The following IGSF3 variants were observed in gnomAD, a reference collection of about 807,000 sequenced individuals.
IGSF3 encodes the protein glu-Trp-Ile EWI motif-containing protein 3.
A neutral mutation model predicts 114.4 loss-of-function variants in IGSF3; 23 were observed. The ratio of observed to expected loss-of-function variants is 0.20; its 90% CI spans 0.14 to 0.28. The LOEUF (loss-of-function observed/expected upper bound fraction) is 0.28. Ranked by LOEUF, IGSF3 falls within the 10% of genes least tolerant of loss-of-function variation. The pLI, the probability that IGSF3 is intolerant of heterozygous loss-of-function variation, is 1.00. For synonymous variants in IGSF3, 571 were observed against 645.2 expected, an observed-to-expected ratio of 0.88 and a Z score of 1.74; for missense variants, 1,172 against 1,591.5, an observed-to-expected ratio of 0.74 and a Z score of 4.48.
rs1194748495 is a variant in IGSF3 at position 116,655,933 on chromosome 1, A to T, written c.43+10351T>A. 6.6e-6 allele frequency among the ~76,000 whole-genome samples: 1 copy of T among 152,228 alleles called. No homozygotes were observed. The highest frequency in any genetic ancestry group is 6.5e-5 in the Admixed American group (1 of 15,282). On this transcript the variant is annotated intron_variant, in intron 2 of 10. Coordinates refer to ENST00000369486, the MANE Select transcript of IGSF3 (RefSeq NM_001007237.3). The surrounding 1 kb of genome is among the most constrained non-coding windows in gnomAD (Gnocchi z 4.3). Reference sequence around the variant, plus strand: ...ATTAAAATTTAAGGGTAATATTTTTATTATGACTTGCTCTCCTGATACAGC... The same window carrying T: ...ATTAAAATTTAAGGGTAATATTTTTTTTATGACTTGCTCTCCTGATACAGC...
rs989802397 is a variant in IGSF3 at position 116,633,212 on chromosome 1, G to A, written c.44-16755C>T. ...ACATTCCAGCCATTTGGGATGTCCT[G>A]GGTTCAACCATTCCCACCCACTGCC... On this transcript the variant is annotated intron_variant, in intron 2 of 10. Coordinates refer to ENST00000369486, the MANE Select transcript of IGSF3 (RefSeq NM_001007237.3). The surrounding 1 kb of genome is among the most constrained non-coding windows in gnomAD (Gnocchi z 4.3). 2.0e-5 allele frequency among the ~76,000 whole-genome samples: 3 copies of A among 152,116 alleles called. No individual in the cohort carries two copies. The highest frequency in any genetic ancestry group is 4.4e-5 in the Non-Finnish European group (3 of 68,034).
chr1:116,575,955 C>T lies in IGSF3; in HGVS notation c.*1357G>A, dbSNP rs1659323917. On this transcript the variant is annotated 3_prime_UTR_variant, in exon 11 of 11. Coordinates refer to ENST00000369486, the MANE Select transcript of IGSF3 (RefSeq NM_001007237.3). This position sits in a 1 kb window ranked among gnomAD's most constrained non-coding sequence, Gnocchi z 5.6. ...TCCCACAGACAATGCCTTGTGATCA[C>T]AGTCTGCTGAGACTAGGCAAACAGA... The T allele has an allele frequency of 1.3e-5, 2 of 152,250 alleles. No individual in the cohort carries two copies. Among genetic ancestry groups the T allele is most frequent in the Admixed American group, 1.3e-4 (2 of 15,274 alleles). The allele number at this position is 152,250 out of a possible 1,614,324, so 9.4% of individuals were successfully genotyped here.
At chr1:116,641,581 G>C (rs1648107463) in intron 2 of IGSF3, among the ~76,000 whole-genome samples, 1 of 143,582 alleles carries the variant, frequency 7.0e-6, no homozygotes, top group African/African-American at 2.6e-5. Flanking sequence ...AAAATTAAAA[G>C]AAGGAAATGC....
At position 116,607,247 on chromosome 1, in the gene IGSF3, G is replaced by A. The variant is rs1049637737; in HGVS notation, c.1222+695C>T. 2.0e-5 allele frequency among the ~76,000 whole-genome samples: 3 copies of A among 152,058 alleles called. No individual in the cohort carries two copies. The highest frequency in any genetic ancestry group is 7.3e-5 in the African/African-American group (3 of 41,374). ...CTATGAATGTTTAAACACAACACAA[G>A]CAAACACCAGTAGTTTCTGGAATCC... is the stretch of plus-strand genomic sequence containing the variant. On this transcript the variant is annotated intron_variant, in intron 5 of 10. Transcript: ENST00000369486. This position sits in a 1 kb window ranked among gnomAD's most constrained non-coding sequence, Gnocchi z 6.1.
In IGSF3 at chr1:116,617,405, G is replaced by C. The variant is rs1661264601; in HGVS notation, c.44-948C>G. 6.1e-6 allele frequency: 6 copies of C among 982,994 alleles called. No homozygotes were observed. In the South Asian group the frequency reaches 2.8e-4, roughly 46 times the overall value. The allele number at this position is 982,994 out of a possible 1,614,324, so 60.9% of individuals were successfully genotyped here. The stretch of plus-strand genomic sequence containing the variant: ...ACAACCCTGCCTCTTCATTTCGGCA[G>C]TGGTCACGTACTGCAGGTTGTGAAA... On this transcript the variant is annotated intron_variant, in intron 2 of 10. Coordinates refer to ENST00000369486, the MANE Select transcript of IGSF3 (RefSeq NM_001007237.3).
intron 4 of IGSF3, among the ~76,000 whole-genome samples, chr1:116,609,810 G>T (rs191551321): frequency 9.2e-5 from 14 of 151,992 alleles, no homozygotes; most frequent in African/African-American, 3.1e-4. Flanking sequence ...GTTTCCCCAA[G>T]AAAACATAAG....
rs978915449 is a variant in IGSF3, at chr1:116,610,107, C to T, written c.833-1776G>A. Reference sequence around the variant, plus strand: ...GGCATGGATTGAAGGAAGCACATTTCACTCTGCCACCATCTGCCTGGATGA... The same window carrying T: ...GGCATGGATTGAAGGAAGCACATTTTACTCTGCCACCATCTGCCTGGATGA... On this transcript the variant is annotated intron_variant, in intron 4 of 10. Transcript: ENST00000369486. This position sits in a 1 kb window ranked among gnomAD's most constrained non-coding sequence, Gnocchi z 4.3. 3.9e-4 allele frequency among the ~76,000 whole-genome samples: 60 copies of T among 152,338 alleles called. No homozygotes were observed. The highest frequency in any genetic ancestry group is 1.4e-3 in the African/African-American group (57 of 41,572).
Position 116,603,503 on chromosome 1 carries a change from A to G in IGSF3, c.1624+121T>C. 2 of 932,606 alleles carry G rather than the reference A, an allele frequency of 2.1e-6. No individual in the cohort carries two copies. Among genetic ancestry groups the G allele is most frequent in the Non-Finnish European group, 1.6e-6 (1 of 608,752 alleles). The allele number at this position is 932,606 out of a possible 1,614,324, so 57.8% of individuals were successfully genotyped here. ...CATAAAGGAAAGTACTTCAAACTCT[A>G]TAGGTAAAAGACTGGCCATAGTTTC... On this transcript the variant is annotated intron_variant, in intron 6 of 10. Transcript: ENST00000369486. The surrounding 1 kb of genome is among the most constrained non-coding windows in gnomAD (Gnocchi z 7.1).
rs1370830613 is a variant in IGSF3 at position 116,594,568 on chromosome 1, A to G, written c.2029+5373T>C. On this transcript the variant is annotated intron_variant, in intron 7 of 10. Coordinates refer to ENST00000369486, the MANE Select transcript of IGSF3 (RefSeq NM_001007237.3). The surrounding 1 kb of genome is among the most constrained non-coding windows in gnomAD (Gnocchi z 5.2). ...TCCTCACCAATCCTATGAAATAAAT[A>G]TTATTCCCAATTTTATAAAGACACT... Among the ~76,000 whole-genome samples, 12 of 152,216 alleles carry G rather than the reference A, an allele frequency of 7.9e-5. No homozygotes were observed. The highest frequency in any genetic ancestry group is 7.3e-5 in the Non-Finnish European group (5 of 68,050).
rs776210997 is a variant in IGSF3, at chr1:116,661,183, C to T, written c.43+5101G>A. On this transcript the variant is annotated intron_variant, in intron 2 of 10. Coordinates refer to ENST00000369486, the MANE Select transcript of IGSF3 (RefSeq NM_001007237.3). This position sits in a 1 kb window ranked among gnomAD's most constrained non-coding sequence, Gnocchi z 4.0. ...TGGTGTGTGCCTGTAATCCCAGCTACTCGGGAGGCTGAGGCAGGAGAATCG... is the reference window on the plus strand; with the variant it reads ...TGGTGTGTGCCTGTAATCCCAGCTATTCGGGAGGCTGAGGCAGGAGAATCG... Among the ~76,000 whole-genome samples the T allele has an allele frequency of 4.6e-5, 7 of 152,162 alleles. No homozygotes were observed. Among genetic ancestry groups the T allele is most frequent in the Middle Eastern group, 3.2e-3 (1 of 316 alleles).
rs764016903 is a variant in IGSF3 at position 116,582,075 on chromosome 1, G to C, written c.2849-2198C>G. Among the ~76,000 whole-genome samples the C allele has an allele frequency of 1.3e-5, 2 of 152,070 alleles. No homozygotes were observed. The highest frequency in any genetic ancestry group is 6.5e-5 in the Admixed American group (1 of 15,268). On this transcript the variant is annotated intron_variant, in intron 9 of 10. Coordinates refer to ENST00000369486, the MANE Select transcript of IGSF3 (RefSeq NM_001007237.3). This position sits in a 1 kb window ranked among gnomAD's most constrained non-coding sequence, Gnocchi z 4.7. Reference sequence around the variant, plus strand: ...CCCTTTGCTTTCTTGTCTTCTAACCGCTTAACATTTTTCTTGGCCCCTTCA... The same window carrying C: ...CCCTTTGCTTTCTTGTCTTCTAACCCCTTAACATTTTTCTTGGCCCCTTCA...
rs1025107590 is a variant in IGSF3, at chr1:116,605,757, AT to A, written c.1223-1733del. On this transcript the variant is annotated intron_variant, in intron 5 of 10. Transcript: ENST00000369486. This position sits in a 1 kb window ranked among gnomAD's most constrained non-coding sequence, Gnocchi z 5.1. ...TAAAGACTCATCCCCACTGTTATCA[AT>A]TCAAAATAAGGGATTAAAAGGGCAA... is the stretch of plus-strand genomic sequence containing the variant. 6.6e-6 allele frequency among the ~76,000 whole-genome samples: 1 copy of A among 152,222 alleles called. No homozygotes were observed. The highest frequency in any genetic ancestry group is 2.4e-5 in the African/African-American group (1 of 41,454).
rs1479755900 is a variant in IGSF3 at position 116,615,240 on chromosome 1, C to T, written c.421+840G>A. Among the ~76,000 whole-genome samples, 1 of 151,786 alleles carries T rather than the reference C, an allele frequency of 6.6e-6. No homozygotes were observed. Among genetic ancestry groups the T allele is most frequent in the Non-Finnish European group, 1.5e-5 (1 of 67,972 alleles). On this transcript the variant is annotated intron_variant, in intron 3 of 10. Coordinates refer to ENST00000369486, the MANE Select transcript of IGSF3 (RefSeq NM_001007237.3). This position sits in a 1 kb window ranked among gnomAD's most constrained non-coding sequence, Gnocchi z 4.3. ...AGTGAGCCAAGATCGCACCATTGCA[C>T]TCCAGCCTGGGCAACAAGAGCGAAG...
rs1013107282 is a variant in IGSF3 at position 116,638,355 on chromosome 1, C to A, written c.44-21898G>T. The stretch of plus-strand genomic sequence containing the variant: ...TTAAAATTAGTCTCCTACTGCTACT[C>A]TTTTCCCTACTCTTGCCAGTCCACT... On this transcript the variant is annotated intron_variant, in intron 2 of 10. Coordinates refer to ENST00000369486, the MANE Select transcript of IGSF3 (RefSeq NM_001007237.3). This position sits in a 1 kb window ranked among gnomAD's most constrained non-coding sequence, Gnocchi z 4.1. Among the ~76,000 whole-genome samples, 2 of 152,234 alleles carry A rather than the reference C, an allele frequency of 1.3e-5. No individual in the cohort carries two copies. Among genetic ancestry groups the A allele is most frequent in the African/African-American group, 4.8e-5 (2 of 41,458 alleles).
At chr1:116,601,420 A>AG (rs1297358973) in intron 6 of IGSF3, among the ~76,000 whole-genome samples, 9 of 152,228 alleles carry the variant, frequency 5.9e-5, no homozygotes, top group Admixed American at 1.3e-4. Flanking sequence ...GTGACATTAA[A>AG]GTTACTTAAC....
In IGSF3 at chr1:116,614,428, G is replaced by A. The variant is rs1330926071; in HGVS notation, c.422-253C>T. On this transcript the variant is annotated intron_variant, in intron 3 of 10. Transcript: ENST00000369486. The surrounding 1 kb of genome is among the most constrained non-coding windows in gnomAD (Gnocchi z 4.5). Reference sequence around the variant, plus strand: ...TTAATAACACTTGGATAAAACATGGGGTGTATTTCATATTACATAATAAAT... The same window carrying A: ...TTAATAACACTTGGATAAAACATGGAGTGTATTTCATATTACATAATAAAT... Among the ~76,000 whole-genome samples, 2 of 151,934 alleles carry A rather than the reference G, an allele frequency of 1.3e-5. No individual in the cohort carries two copies. Among genetic ancestry groups the A allele is most frequent in the East Asian group, 3.9e-4 (2 of 5,192 alleles).
At chr1:116,653,363 A>T (rs896435545) in intron 2 of IGSF3, among the ~76,000 whole-genome samples, 4 of 152,226 alleles carry the variant, frequency 2.6e-5, no homozygotes, top group Non-Finnish European at 4.4e-5. Flanking sequence ...GGAGGCACAT[A>T]TAGTTCTGAT....
In IGSF3 at chr1:116,574,626, G is replaced by C. The variant is rs998968462; in HGVS notation, c.*2686C>G. On this transcript the variant is annotated 3_prime_UTR_variant, in exon 11 of 11. Transcript: ENST00000369486. This position sits in a 1 kb window ranked among gnomAD's most constrained non-coding sequence, Gnocchi z 5.2. The stretch of plus-strand genomic sequence containing the variant: ...ATGAAAACTTGCTACAGAAACACCC[G>C]GTGAAAGAGGGTGTGGTCATATTCA... 4 of 152,518 alleles carry C rather than the reference G, an allele frequency of 2.6e-5. No individual in the cohort carries two copies. In the South Asian group the frequency reaches 8.3e-4, roughly 32 times the overall value. The allele number at this position is 152,518 out of a possible 1,614,324, so 9.4% of individuals were successfully genotyped here.
Position 116,610,123 on chromosome 1 carries a change from G to A in IGSF3, c.833-1792C>T, listed in dbSNP as rs1380369999. ...AGCACATTTCACTCTGCCACCATCT[G>A]CCTGGATGAACACACCCATATGGGA... is the stretch of plus-strand genomic sequence containing the variant. On this transcript the variant is annotated intron_variant, in intron 4 of 10. Coordinates refer to ENST00000369486, the MANE Select transcript of IGSF3 (RefSeq NM_001007237.3). This position sits in a 1 kb window ranked among gnomAD's most constrained non-coding sequence, Gnocchi z 4.3. 6.6e-6 allele frequency among the ~76,000 whole-genome samples: 1 copy of A among 152,196 alleles called. No homozygotes were observed. The highest frequency in any genetic ancestry group is 1.9e-4 in the East Asian group (1 of 5,190).
Sources: allele counts gnomAD v4.1 joint callset (sites outside exome capture counted in the v4.1 genomes callset), GRCh38; gene constraint gnomAD v4.1.1; non-coding constraint Gnocchi (gnomAD v3.1); transcripts MANE v1.5; gene names NCBI Gene and HGNC (gene_info 2026-07-23, HGNC 2026-07-21).